Variants in TMEM247 observed in about 807,000 individuals in gnomAD.
TMEM247 encodes the protein transmembrane protein 247, also known as transmembrane protein ENSP00000343375.
A neutral mutation model predicts 20.7 loss-of-function variants in TMEM247; 23 were observed. The ratio of observed to expected loss-of-function variants is 1.11; its 90% confidence interval spans 0.80 to 1.57. The LOEUF is 1.57. Ranked by LOEUF, TMEM247 falls within the 40% of genes most tolerant of loss-of-function variation. TMEM247 has a pLI of 0.00. For synonymous variants in TMEM247, 106 were observed against 111.9 expected (o/e 0.95, Z 0.33); for missense variants, 354 against 283.8 (o/e 1.25, Z -1.78).
At chr2:46,480,793 G>A (rs1188267314) in intron 2 of TMEM247, 29 bp downstream of exon 2, 3 of 1,341,202 alleles carry the variant, frequency 2.2e-6, no homozygotes, top group Non-Finnish European at 2.9e-6. Context: ...GGCACTGGGA[G>A]GAGGGAGGCC....
chr2:46,483,926 A>G (rs1249888520), intron 2 of TMEM247, among the ~76,000 whole-genome samples: 1 of 152,172 alleles, frequency 6.6e-6, no homozygotes, highest in Non-Finnish European at 1.5e-5. Flanking sequence ...AGATGGGACT[A>G]TAGGCACACG....
Position 46,479,707 on chromosome 2 carries a change from G to A in TMEM247, c.117+5G>A, listed in dbSNP as rs554274302. On this transcript the variant is annotated splice_donor_5th_base_variant and intron_variant, in intron 1 of 2. Coordinates refer to ENST00000434431, the Ensembl canonical transcript of TMEM247. ...GGGAAGCCAAGGGCTTATCTGGTAA[G>A]GGGGCTGCTGTGTCTCACCACCCCC... The A allele has an allele frequency of 3.8e-5, 58 of 1,543,702 alleles. No homozygotes were observed. The highest frequency in any genetic ancestry group is 4.6e-5 in the Non-Finnish European group (53 of 1,139,828).
At chr2:46,483,719 T>G (rs1686934437) in intron 2 of TMEM247, among the ~76,000 whole-genome samples, 1 of 152,056 alleles carries the variant, frequency 6.6e-6, no homozygotes, top group South Asian at 2.1e-4. Context: ...AAATGATGAG[T>G]TCCTTCTATG....
chr2:46,481,221 C>T (rs1381771729), intron 2 of TMEM247, among the ~76,000 whole-genome samples: 2 of 152,156 alleles, frequency 1.3e-5, no homozygotes, highest in African/African-American at 4.8e-5. Context: ...TGCACCCTGG[C>T]CAGTGGATTT....
chr2:46,481,456 A>C (rs183837850), intron 2 of TMEM247, among the ~76,000 whole-genome samples: 1 of 152,360 alleles, frequency 6.6e-6, no homozygotes, highest in Admixed American at 6.5e-5. Context: ...TGTTGTTTAA[A>C]GCAGTGTTTC....
intron 1 of TMEM247, among the ~76,000 whole-genome samples, chr2:46,479,974 A>C (rs1300007550): frequency 6.6e-6 from 1 of 152,080 alleles, no homozygotes; most frequent in Non-Finnish European, 1.5e-5. Flanking sequence ...TCCCCACCAT[A>C]GCCCTCTTCC....
chr2:46,480,569 G>A (rs1368296966), exon 2 of TMEM247: 4 of 1,551,510 alleles, frequency 2.6e-6, no homozygotes, highest in Admixed American at 2.0e-5. Context: ...AGCTGCCCCC[G>A]ACCCCTGGGA....
At chr2:46,482,044 A>G (rs1002792352) in intron 2 of TMEM247, among the ~76,000 whole-genome samples, 1 of 152,228 alleles carries the variant, frequency 6.6e-6, no homozygotes, top group East Asian at 1.9e-4. Context: ...CATTTCCCCA[A>G]TTGACTGGTC....
At chr2:46,482,424 A>G (rs1272676818) in intron 2 of TMEM247, among the ~76,000 whole-genome samples, 4 of 152,246 alleles carry the variant, frequency 2.6e-5, no homozygotes, top group African/African-American at 9.6e-5. Flanking sequence ...ATGATATTGT[A>G]ACTATGCCTT....
At chr2:46,483,928 A>G (rs565396253) in intron 2 of TMEM247, among the ~76,000 whole-genome samples, 4 of 152,102 alleles carry the variant, frequency 2.6e-5, no homozygotes, top group Non-Finnish European at 5.9e-5. Context: ...ATGGGACTAT[A>G]GGCACACGCC....
At chr2:46,483,543 T>A (rs976079636) in intron 2 of TMEM247, among the ~76,000 whole-genome samples, 3 of 152,234 alleles carry the variant, frequency 2.0e-5, no homozygotes, top group African/African-American at 4.8e-5. Context: ...GTCAGGGCAC[T>A]GTGAGAGAAC....
In TMEM247 at chr2:46,480,267, A is replaced by C. The variant is rs76454308; in HGVS notation, c.118-138A>C. 1.8e-3 allele frequency: 1,851 copies of C among 1,033,722 alleles called. 26 individuals carry two copies. In the African/African-American group the frequency reaches 0.025, roughly 14 times the overall value. The allele number at this position is 1,033,722 out of a possible 1,614,324, so 64.0% of individuals were successfully genotyped here. Reference sequence around the variant, plus strand: ...ACAACTCCCGGTAAGAGCACTTCTAATAAGAATTCAGCCTAGATCTTTACA... The same window carrying C: ...ACAACTCCCGGTAAGAGCACTTCTACTAAGAATTCAGCCTAGATCTTTACA... On this transcript the variant is annotated intron_variant, in intron 1 of 2. Transcript: ENST00000434431.
At chr2:46,479,641 C>T (rs1437170332) in exon 1 of TMEM247, 19 of 1,551,560 alleles carry the variant, frequency 1.2e-5, no homozygotes, top group African/African-American at 2.7e-5. Context: ...GAAAGTTGCC[C>T]GACCTTCCCC....
At chr2:46,480,260 A>C (rs1290261779) in intron 1 of TMEM247, 145 bp from the exon 2 acceptor site, 6 of 956,232 alleles carry the variant, frequency 6.3e-6, no homozygotes, top group African/African-American at 1.7e-5. Flanking sequence ...CGGTAAGAGC[A>C]CTTCTAATAA....
Position 46,480,389 on chromosome 2 carries a change from G to A in TMEM247, c.118-16G>A. The A allele has an allele frequency of 6.6e-7, 1 of 1,525,438 alleles. No homozygotes were observed. The highest frequency in any genetic ancestry group is 8.8e-7 in the Non-Finnish European group (1 of 1,135,182). The allele number at this position is 1,525,438 out of a possible 1,614,324, so 94.5% of individuals were successfully genotyped here. A position where few individuals can be genotyped will look rare whatever the true frequency, so the allele number is the denominator to read the frequency against. ...ACTCTTCAAGGTACCTCCCCTCCCTGCTTCCCCTACGCCAGGAGGCAGAGT... is the reference window on the plus strand; with the variant it reads ...ACTCTTCAAGGTACCTCCCCTCCCTACTTCCCCTACGCCAGGAGGCAGAGT... On this transcript the variant is annotated splice_polypyrimidine_tract_variant and intron_variant, in intron 1 of 2. Transcript: ENST00000434431.
At chr2:46,481,245 A>T (rs188048480) in intron 2 of TMEM247, among the ~76,000 whole-genome samples, 3 of 151,850 alleles carry the variant, frequency 2.0e-5, no homozygotes, top group Admixed American at 2.0e-4. Context: ...TAGAACCATC[A>T]CCTCCCCGAT....
Position 46,483,898 on chromosome 2 carries a change from C to T in TMEM247, c.478-346C>T, listed in dbSNP as rs535913760. ...GAACTCTTGGGCTCAAGTGATCCTT[C>T]CACCTCAGCCTCCCAATAGATGGGA... On this transcript the variant is annotated intron_variant, in intron 2 of 2. Coordinates refer to ENST00000434431, the Ensembl canonical transcript of TMEM247. Among the ~76,000 whole-genome samples, 9 of 152,284 alleles carry T rather than the reference C, an allele frequency of 5.9e-5. No individual in the cohort carries two copies. In the South Asian group the frequency reaches 6.2e-4, roughly 11 times the overall value.
chr2:46,479,771 A>G lies in TMEM247; in HGVS notation c.117+69A>G, dbSNP rs1049611048. On this transcript the variant is annotated intron_variant, in intron 1 of 2. Coordinates refer to ENST00000434431, the Ensembl canonical transcript of TMEM247. ...GGGGGAGCAAGAATACTGTAGGAAC[A>G]CATGCTTTGAGCTTCCAGACAACTG... The G allele has an allele frequency of 1.3e-5, 15 of 1,152,138 alleles. No homozygotes were observed. The African/African-American group carries it at 2.3e-4, about 18-fold the overall frequency. 71.4% of individuals were successfully genotyped at this position (1,152,138 alleles called of 1,614,324 possible).
Position 46,479,729 on chromosome 2 carries a change from C to A in TMEM247, c.117+27C>A, listed in dbSNP as rs1285584866. 3.4e-6 allele frequency: 5 copies of A among 1,474,142 alleles called. No individual in the cohort carries two copies. In the Admixed American group the frequency reaches 9.8e-5, roughly 29 times the overall value. 91.3% of individuals were successfully genotyped at this position (1,474,142 alleles called of 1,614,324 possible). ...TAAGGGGGCTGCTGTGTCTCACCAC[C>A]CCCGCCTATTCCGTCAGGGGGAGCA... On this transcript the variant is annotated intron_variant, in intron 1 of 2. Coordinates refer to ENST00000434431, the Ensembl canonical transcript of TMEM247.
Sources: gnomAD v4.1 joint callset for allele counts (sites outside exome capture counted in the v4.1 genomes callset) on GRCh38, gnomAD v4.1.1 for gene constraint, MANE v1.5 for transcripts, NCBI Gene and HGNC (gene_info 2026-07-23, HGNC 2026-07-21) for gene names.